The following LAMB3 variants were observed in gnomAD, a reference collection of about 807,000 sequenced individuals.
LAMB3 encodes the protein laminin subunit beta-3.
LAMB3 carries 104 observed loss-of-function variants against 140.3 expected under a neutral mutation model. The observed-to-expected ratio is 0.74, with a 90% CI of 0.63 to 0.87. The LOEUF (loss-of-function observed/expected upper bound fraction) is 0.87. Among genes scored for constraint, LAMB3 ranks in the 40% least tolerant of loss-of-function variants. The pLI is 0.00. For synonymous variants in LAMB3, 592 were observed against 602.9 expected (o/e 0.98, Z 0.26); for missense variants, 1,531 against 1,575.2 (o/e 0.97, Z 0.47).
chr1:209,615,099 A>G lies in LAMB3; in HGVS notation c.*172T>C, dbSNP rs530592313. The stretch of plus-strand genomic sequence containing the variant: ...TCAAGTGTAACTGTCCCATTGGCTC[A>G]GGCTCAGCTGCAGCTCAGGGTAATC... On this transcript the variant is annotated 3_prime_UTR_variant, in exon 23 of 23. Transcript: ENST00000356082. 4.5e-5 allele frequency: 32 copies of G among 704,860 alleles called. No individual in the cohort carries two copies. The South Asian group carries it at 5.7e-4, about 13-fold the overall frequency. 43.7% of individuals were successfully genotyped at this position (704,860 alleles called of 1,614,324 possible). A position where few individuals can be genotyped will look rare whatever the true frequency, so the allele number is the denominator to read the frequency against.
chr1:209,644,160 T>C (rs1311667277), intron 3 of LAMB3, among the ~76,000 whole-genome samples: 4 of 152,198 alleles, frequency 2.6e-5, no homozygotes, highest in African/African-American at 9.7e-5. Flanking sequence ...CAATGCATAT[T>C]GGCAATGAAG....
intron 7 of LAMB3, 140 bp downstream of exon 7, chr1:209,632,929 AT>A: frequency 9.7e-7 from 1 of 1,030,820 alleles, no homozygotes; most frequent in Admixed American, 1.8e-5. Context: ...CAATATCCCT[AT>A]GGGGCAAGCA....
intron 5 of LAMB3, 83 bp from the exon 6 acceptor site, chr1:209,634,721 A>G: frequency 1.7e-6 from 2 of 1,196,786 alleles, no homozygotes; most frequent in Non-Finnish European, 2.4e-6. Context: ...AGGCTCCTCC[A>G]GTGAACTCGG....
At chr1:209,624,440 G>A (rs372337906) in intron 14 of LAMB3, among the ~76,000 whole-genome samples, 2 of 152,154 alleles carry the variant, frequency 1.3e-5, no homozygotes, top group Middle Eastern at 3.2e-3. Flanking sequence ...TCATCCCCCC[G>A]AAGGAGGCTC....
chr1:209,625,252 C>G (rs1378972244), intron 14 of LAMB3, among the ~76,000 whole-genome samples: 1 of 152,166 alleles, frequency 6.6e-6, no homozygotes, highest in Non-Finnish European at 1.5e-5. Context: ...TGGGCGGGAC[C>G]AACTTCCATT....
In LAMB3 at chr1:209,623,678, C is replaced by T. The variant is rs1282213015; in HGVS notation, c.2185G>A (p.Ala729Thr). ...CGCGAGCTGTCGGAGACCTGCTGAG[C>T]AGCCTGGGCTGACTGCTCGTAGGCT... The part of the protein sequence containing the change: ...STAYEQSAQA[A>T]QQVSDSSRLL... Residue 729 changes from alanine (A) to threonine (T), a missense_variant, in exon 16 of 23, where the codon GCT becomes ACT. By Grantham distance (58) the Ala-to-Thr change is moderately conservative. Coordinates refer to ENST00000356082, the MANE Select transcript of LAMB3 (RefSeq NM_000228.3). The surrounding 1 kb of genome is among the most constrained non-coding windows in gnomAD (Gnocchi z 4.2). 2.5e-6 allele frequency: 4 copies of T among 1,614,062 alleles called. No individual in the cohort carries two copies. The highest frequency in any genetic ancestry group is 3.4e-6 in the Non-Finnish European group (4 of 1,180,048).
In LAMB3 at chr1:209,633,107, C is replaced by G; in HGVS notation, c.591G>C (p.Val197=). ...GKVQLNLMDL[V]SGIPATQSQK... ...GACTTTGAGTTGCTGGAATCCCAGA[C>G]ACTAAATCCATAAGGTTAAGTTGGA... The change falls in exon 7 of 23, where the codon GTG becomes GTC. Residue 197 remains valine, a synonymous_variant. Coordinates refer to ENST00000356082, the MANE Select transcript of LAMB3 (RefSeq NM_000228.3). 1.2e-6 allele frequency: 2 copies of G among 1,612,880 alleles called. No individual in the cohort carries two copies. Among genetic ancestry groups the G allele is most frequent in the Non-Finnish European group, 1.7e-6 (2 of 1,178,864 alleles).
chr1:209,624,672 C>G (rs1031435290), intron 14 of LAMB3, among the ~76,000 whole-genome samples: 12 of 152,214 alleles, frequency 7.9e-5, no homozygotes, highest in Admixed American at 2.6e-4. Flanking sequence ...GAATCTGAGA[C>G]TTAGGTCAGA....
Position 209,623,331 on chromosome 1 carries a change from T to A in LAMB3, c.2359-152A>T. 9.8e-7 allele frequency: 1 copy of A among 1,017,596 alleles called. No individual in the cohort carries two copies. Among genetic ancestry groups the A allele is most frequent in the African/African-American group, 1.6e-5 (1 of 62,748 alleles). 63.0% of individuals were successfully genotyped at this position (1,017,596 alleles called of 1,614,324 possible). ...TCCATGAGAGCTAAGGACCAGAAAC[T>A]GGTTTCCTTGGCAACCACTGAGCTC... On this transcript the variant is annotated intron_variant, in intron 16 of 22. Transcript: ENST00000356082. The surrounding 1 kb of genome is among the most constrained non-coding windows in gnomAD (Gnocchi z 4.2).
intron 18 of LAMB3, among the ~76,000 whole-genome samples, chr1:209,619,033 G>C (rs1387106028): frequency 1.3e-5 from 2 of 152,204 alleles, no homozygotes; most frequent in African/African-American, 2.4e-5. Flanking sequence ...GGGAAGAGTG[G>C]CCAGAAACTG....
rs1056908611 is a variant in LAMB3 at position 209,623,771 on chromosome 1, G to A, written c.2138-46C>T. ...AATGGAGATGGAGGAGGAGCAGGAG[G>A]GAGAGGGGGTGGCATGCCCACCACG... is the stretch of plus-strand genomic sequence containing the variant. On this transcript the variant is annotated intron_variant, in intron 15 of 22. Transcript: ENST00000356082. The surrounding 1 kb of genome is among the most constrained non-coding windows in gnomAD (Gnocchi z 4.2). 1.2e-6 allele frequency: 2 copies of A among 1,613,442 alleles called. No individual in the cohort carries two copies. The highest frequency in any genetic ancestry group is 1.7e-6 in the Non-Finnish European group (2 of 1,179,658).
Position 209,626,945 on chromosome 1 carries a change from C to T in LAMB3, c.1519G>A (p.Gly507Ser), listed in dbSNP as rs1666481844. ...TGQCPCREGF[G>S]GLMCSAAAIR... ...GCTGCAGCGCTGCACATCAGGCCACCAAAGCCTTCCCGACAGGGGCACTGC... is the reference window on the plus strand; with the variant it reads ...GCTGCAGCGCTGCACATCAGGCCACTAAAGCCTTCCCGACAGGGGCACTGC... Residue 507 changes from glycine (G) to serine (S), a missense_variant, in exon 13 of 23, where the codon GGT becomes AGT. Gly to Ser is a moderately conservative substitution (Grantham distance 56). Transcript: ENST00000356082. 1 of 1,613,768 alleles carries T rather than the reference C, an allele frequency of 6.2e-7. No individual in the cohort carries two copies. Among genetic ancestry groups the T allele is most frequent in the Non-Finnish European group, 8.5e-7 (1 of 1,179,916 alleles).
chr1:209,649,113 T>A (rs1259346489), intron 3 of LAMB3, among the ~76,000 whole-genome samples: 2 of 152,096 alleles, frequency 1.3e-5, no homozygotes, highest in African/African-American at 4.8e-5. Context: ...AGAAGGGCAG[T>A]GAGGCCCAGA....
chr1:209,632,596 G>A lies in LAMB3; in HGVS notation c.809C>T (p.Ser270Phe), dbSNP rs1261413007. ...APKPGASAGPSTAVQVHDVCV... is the reference protein window; with the variant it reads ...APKPGASAGPFTAVQVHDVCV... ...CTAGGCTGTTACCTGCACAGCGGTGGAGGGGCCTGCAGAGGCCCCAGGCTT... is the reference window on the plus strand; with the variant it reads ...CTAGGCTGTTACCTGCACAGCGGTGAAGGGGCCTGCAGAGGCCCCAGGCTT... Residue 270 changes from serine (S) to phenylalanine (F), a missense_variant, in exon 8 of 23, where the codon TCC becomes TTC. Ser to Phe is a radical substitution (Grantham distance 155). Coordinates refer to ENST00000356082, the MANE Select transcript of LAMB3 (RefSeq NM_000228.3). 6.2e-7 allele frequency: 1 copy of A among 1,613,618 alleles called. No individual in the cohort carries two copies. The highest frequency in any genetic ancestry group is 1.7e-5 in the Admixed American group (1 of 60,026).
At position 209,623,739 on chromosome 1, in the gene LAMB3, C is replaced by T; in HGVS notation, c.2138-14G>A. On this transcript the variant is annotated splice_polypyrimidine_tract_variant and intron_variant, in intron 15 of 22. Transcript: ENST00000356082. The surrounding 1 kb of genome is among the most constrained non-coding windows in gnomAD (Gnocchi z 4.2). ...TCCGGAAGGCTCCTGTGGCGAGAAG[C>T]ATGAGGAATGGAGATGGAGGAGGAG... The T allele has an allele frequency of 6.2e-7, 1 of 1,613,926 alleles. No individual in the cohort carries two copies. The highest frequency in any genetic ancestry group is 8.5e-7 in the Non-Finnish European group (1 of 1,180,008).
chr1:209,645,296 G>A (rs1053403011), intron 3 of LAMB3, among the ~76,000 whole-genome samples: 12 of 152,208 alleles, frequency 7.9e-5, no homozygotes, highest in African/African-American at 2.2e-4. Context: ...AGATTGATAT[G>A]GTGCTTTTCT....
rs1571805353 is a variant in LAMB3, at chr1:209,623,222, T to C, written c.2359-43A>G. 3.8e-6 allele frequency: 6 copies of C among 1,598,306 alleles called. No homozygotes were observed. The highest frequency in any genetic ancestry group is 1.6e-4 in the Middle Eastern group (1 of 6,066). On this transcript the variant is annotated intron_variant, in intron 16 of 22. Transcript: ENST00000356082. This position sits in a 1 kb window ranked among gnomAD's most constrained non-coding sequence, Gnocchi z 4.2. ...TGTTAAAGAGGCTACCCAAAGCCCC[T>C]CAATAACCAATCCCACCCCACACCT...
chr1:209,616,652 C>T (rs762467262), intron 21 of LAMB3, 28 bp from the exon 22 acceptor site: 3 of 1,611,762 alleles, frequency 1.9e-6, no homozygotes, highest in Non-Finnish European at 2.5e-6. Context: ...GTCTCAGTGT[C>T]ATTGTCATCA....
At chr1:209,635,348 C>T (rs1377318622) in intron 5 of LAMB3, among the ~76,000 whole-genome samples, 1 of 152,150 alleles carries the variant, frequency 6.6e-6, no homozygotes, top group Non-Finnish European at 1.5e-5. Flanking sequence ...CTGATTTCCC[C>T]TTTCCCCACG....
Sources: allele counts gnomAD v4.1 joint callset (sites outside exome capture counted in the v4.1 genomes callset), GRCh38; gene constraint gnomAD v4.1.1; non-coding constraint Gnocchi (gnomAD v3.1); transcripts MANE v1.5; gene names NCBI Gene and HGNC (gene_info 2026-07-23, HGNC 2026-07-21).